CNDP1: variants seen among roughly 807,000 people sequenced by gnomAD.
CNDP1 encodes beta-Ala-His dipeptidase.
CNDP1 carries 44 observed loss-of-function variants against 58.1 expected under a neutral mutation model. That is an observed-to-expected ratio of 0.76 (90% confidence interval 0.60 to 0.97). The LOEUF (loss-of-function observed/expected upper bound fraction) is 0.97, where lower values mean the gene tolerates loss of function less well. Among genes scored for constraint, CNDP1 ranks in the 50% least tolerant of loss-of-function variants. CNDP1 has a pLI of 0.00. For missense variants in CNDP1, 616 were observed against 655.1 expected, an observed-to-expected ratio of 0.94 and a Z score of 0.65; for synonymous variants, 254 against 252.6, an observed-to-expected ratio of 1.01 and a Z score of -0.05.
chr18:74,579,208 C>CCTTG (rs1981721128), intron 9 of CNDP1, among the ~76,000 whole-genome samples: 27 of 37,964 alleles, frequency 7.1e-4, no homozygotes, highest in Admixed American at 3.3e-3. Context: ...CCCTTGCCTT[C>CCTTG]CCTTCCCTTC....
chr18:74,575,038 G>GGGAA (rs1981590585), intron 7 of CNDP1, among the ~76,000 whole-genome samples: 1 of 142,662 alleles, frequency 7.0e-6, no homozygotes, highest in South Asian at 2.2e-4. Flanking sequence ...GAGGGATGGA[G>GGGAA]GGAAGGAAGG....
chr18:74,539,551 C>A (rs1980565341), intron 1 of CNDP1, among the ~76,000 whole-genome samples: 1 of 152,200 alleles, frequency 6.6e-6, no homozygotes, highest in Admixed American at 6.5e-5. Context: ...TCCCCACCTG[C>A]AGGATTCCTC....
intron 1 of CNDP1, among the ~76,000 whole-genome samples, chr18:74,538,146 C>T (rs1980528771): frequency 6.6e-6 from 1 of 152,188 alleles, no homozygotes; most frequent in South Asian, 2.1e-4. Context: ...ACATTTTCCT[C>T]ACCTCAGAAA....
intron 1 of CNDP1, among the ~76,000 whole-genome samples, chr18:74,540,063 C>A (rs574236915): frequency 3.9e-5 from 6 of 151,914 alleles, no homozygotes; most frequent in Non-Finnish European, 8.8e-5. Flanking sequence ...CTGTGGTCAA[C>A]TTTATCATAT....
intron 1 of CNDP1, among the ~76,000 whole-genome samples, chr18:74,541,139 G>A (rs921386165): frequency 6.6e-6 from 1 of 152,220 alleles, no homozygotes; most frequent in Admixed American, 6.5e-5. Flanking sequence ...GGGGGAAATG[G>A]GGCTGCAGTT....
intron 1 of CNDP1, among the ~76,000 whole-genome samples, chr18:74,536,138 CT>C (rs563822140): frequency 9.9e-5 from 15 of 152,138 alleles, no homozygotes; most frequent in Non-Finnish European, 2.2e-4. Flanking sequence ...TATTCTTTTA[CT>C]TTTTTTTAAC....
chr18:74,576,906 T>C lies in CNDP1; in HGVS notation c.879T>C (p.Pro293=). The change falls in exon 8 of 12, where the codon CCT becomes CCC. Residue 293 remains proline (P), a synonymous_variant. Coordinates refer to ENST00000358821, the MANE Select transcript of CNDP1 (RefSeq NM_032649.6). ...ACTCGTCTGGTCATATCCTGGTCCC[T>C]GGAATCTATGATGAAGTGGTTCCTC... is the stretch of plus-strand genomic sequence containing the variant. ...LVDSSGHILV[P]GIYDEVVPLT... is the part of the protein sequence containing the mutation. 1 of 1,613,364 alleles carries C rather than the reference T, an allele frequency of 6.2e-7. No individual in the cohort carries two copies. The highest frequency in any genetic ancestry group is 1.1e-5 in the South Asian group (1 of 90,754).
At position 74,586,181 on chromosome 18, in the gene CNDP1, G is replaced by C. The variant is rs955059967; in HGVS notation, c.*1619G>C. 6.6e-6 allele frequency: 1 copy of C among 152,154 alleles called. No homozygotes were observed. Among genetic ancestry groups the C allele is most frequent in the Non-Finnish European group, 1.5e-5 (1 of 68,032 alleles). 9.4% of individuals were successfully genotyped at this position (152,154 alleles called of 1,614,324 possible). A position where few individuals can be genotyped will look rare whatever the true frequency, so the allele number is the denominator to read the frequency against. Reference sequence around the variant, plus strand: ...GTCATAGAAGTGGACCCAACTGAGAGCTCAACCTAGTTGTGGGCATTTGTG... The same window carrying C: ...GTCATAGAAGTGGACCCAACTGAGACCTCAACCTAGTTGTGGGCATTTGTG... On this transcript the variant is annotated 3_prime_UTR_variant, in exon 12 of 12. Transcript: ENST00000358821.
chr18:74,584,199 A>C (rs539789958), intron 11 of CNDP1: 43 of 414,160 alleles, frequency 1.0e-4, no homozygotes, highest in African/African-American at 8.3e-4. Flanking sequence ...TAAGCATCCC[A>C]GACTACTGAG....
rs2144584046 is a variant in CNDP1, at chr18:74,585,299, T to G, written c.*737T>G. On this transcript the variant is annotated 3_prime_UTR_variant, in exon 12 of 12. Transcript: ENST00000358821. ...TCCTGTCCCATCAGAAAAGGCCCACTCTCTCTCTATCCAACATCTGTGCAC... is the reference window on the plus strand; with the variant it reads ...TCCTGTCCCATCAGAAAAGGCCCACGCTCTCTCTATCCAACATCTGTGCAC... 6.6e-6 allele frequency: 1 copy of G among 152,272 alleles called. No homozygotes were observed. Among genetic ancestry groups the G allele is most frequent in the Middle Eastern group, 3.4e-3 (1 of 294 alleles). 9.4% of individuals were successfully genotyped at this position (152,272 alleles called of 1,614,324 possible).
chr18:74,586,836 A>G lies in CNDP1; in HGVS notation c.*2274A>G, dbSNP rs1568303106. 1.3e-5 allele frequency: 2 copies of G among 152,212 alleles called. No homozygotes were observed. Among genetic ancestry groups the G allele is most frequent in the Non-Finnish European group, 2.9e-5 (2 of 68,038 alleles). 9.4% of individuals were successfully genotyped at this position (152,212 alleles called of 1,614,324 possible). On this transcript the variant is annotated 3_prime_UTR_variant, in exon 12 of 12. Coordinates refer to ENST00000358821, the MANE Select transcript of CNDP1 (RefSeq NM_032649.6). ...AGTATCTTCCAAGCTCCTTGTACTC[A>G]AAGGGATAAAAGAAAGCTACTCAGT... is the stretch of plus-strand genomic sequence containing the variant.
chr18:74,568,859 G>A (rs1304019038), intron 6 of CNDP1, among the ~76,000 whole-genome samples: 1 of 152,180 alleles, frequency 6.6e-6, no homozygotes, highest in Non-Finnish European at 1.5e-5. Context: ...TCTGCAGCAT[G>A]CTCAGTGGCC....
intron 1 of CNDP1, among the ~76,000 whole-genome samples, chr18:74,535,696 G>A (rs1404008344): frequency 6.7e-6 from 1 of 150,074 alleles, no homozygotes; most frequent in East Asian, 2.0e-4. Flanking sequence ...TGTCATGATA[G>A]TATCTATTCA....
At chr18:74,561,260 C>CA (rs1362910125) in intron 4 of CNDP1, 9 of 399,512 alleles carry the variant, frequency 2.3e-5, no homozygotes, top group African/African-American at 1.4e-4. Context: ...ACTAAAAATA[C>CA]AAAAAAATAG....
intron 1 of CNDP1, among the ~76,000 whole-genome samples, chr18:74,553,211 C>T (rs1370343493): frequency 6.6e-6 from 1 of 152,162 alleles, no homozygotes; most frequent in Non-Finnish European, 1.5e-5. Context: ...AATCCCTCCC[C>T]CCACATTCTA....
intron 5 of CNDP1, among the ~76,000 whole-genome samples, chr18:74,564,256 C>A (rs1181503749): frequency 6.6e-6 from 1 of 152,014 alleles, no homozygotes; most frequent in East Asian, 1.9e-4. Flanking sequence ...GCATCCTGTG[C>A]TCTAGGAAAA....
chr18:74,565,759 G>A lies in CNDP1; in HGVS notation c.556-1474G>A, dbSNP rs201698491. Among the ~76,000 whole-genome samples the A allele has an allele frequency of 7.9e-5, 12 of 152,250 alleles. No homozygotes were observed. The East Asian group carries it at 1.9e-3, about 25-fold the overall frequency. On this transcript the variant is annotated intron_variant, in intron 5 of 11. Transcript: ENST00000358821. ...GTGTCTGCGGTTTTTCCAGGTGCAC[G>A]GTTCAAGCTGTCAGTGGATCTACCA... is the stretch of plus-strand genomic sequence containing the variant.
intron 1 of CNDP1, among the ~76,000 whole-genome samples, chr18:74,536,072 A>G (rs577787511): frequency 7.9e-5 from 12 of 152,256 alleles, no homozygotes; most frequent in Admixed American, 3.9e-4. Flanking sequence ...GACTCAATAT[A>G]ATACCCTTTG....
intron 1 of CNDP1, among the ~76,000 whole-genome samples, chr18:74,547,248 T>A (rs1980784128): frequency 1.3e-5 from 2 of 152,196 alleles, no homozygotes; most frequent in East Asian, 1.9e-4. Flanking sequence ...CAGAGCAACC[T>A]CTATAAAACA....
Sources: gnomAD v4.1 joint callset for allele counts (sites outside exome capture counted in the v4.1 genomes callset) on GRCh38, gnomAD v4.1.1 for gene constraint, MANE v1.5 for transcripts, NCBI Gene and HGNC (gene_info 2026-07-23, HGNC 2026-07-21) for gene names.